PLEKHH2: variants seen among roughly 807,000 people sequenced by gnomAD.
The protein encoded by PLEKHH2 is pleckstrin homology domain-containing family H member 2.
In PLEKHH2, 129 loss-of-function variants were observed where a neutral mutation model predicts 187.9. The ratio of observed to expected loss-of-function variants is 0.69; its 90% CI spans 0.59 to 0.79. The LOEUF is 0.79. PLEKHH2 is among the 30% of genes least tolerant of loss of function. The pLI, the probability that PLEKHH2 is intolerant of heterozygous loss-of-function variation, is 0.00. For synonymous variants in PLEKHH2, 686 were observed against 605.6 expected, an observed-to-expected ratio of 1.13 and a Z score of -1.95; for missense variants, 2,076 against 1,751.2, an observed-to-expected ratio of 1.19 and a Z score of -3.31.
chr2:43,733,362 CAAA>C (rs60417054), intron 19 of PLEKHH2, among the ~76,000 whole-genome samples: 7,497 of 105,358 alleles, frequency 0.071, 456 homozygotes, highest in African/African-American at 0.17. Flanking sequence ...GACTCCATCT[CAAA>C]AAAAAAAAAA....
In PLEKHH2 at chr2:43,738,486, G is replaced by T; in HGVS notation, c.3089G>T (p.Arg1030Leu). ...TGTCAGCTTATTAAACAGACAAGAC[G>T]AAGACAGCCACAGAATCAACCAGGA... ...ICCQLIKQTR[R>L]RQPQNQPGPL... Residue 1030 changes from arginine to leucine, a missense_variant, in exon 20 of 30, where the codon CGA becomes CTA. Arg to Leu is a moderately radical substitution (Grantham distance 102). Transcript: ENST00000282406. 6.2e-7 allele frequency: 1 copy of T among 1,613,296 alleles called. No individual in the cohort carries two copies. The highest frequency in any genetic ancestry group is 1.1e-5 in the South Asian group (1 of 90,956).
intron 2 of PLEKHH2, among the ~76,000 whole-genome samples, chr2:43,645,577 A>T (rs147014038): frequency 1.4e-3 from 208 of 152,286 alleles, no homozygotes; most frequent in African/African-American, 4.7e-3. Flanking sequence ...AAGTAGAATA[A>T]ATACAGGATT....
At chr2:43,724,431 G>A (rs1045327973) in intron 16 of PLEKHH2, among the ~76,000 whole-genome samples, 3 of 152,166 alleles carry the variant, frequency 2.0e-5, no homozygotes, top group African/African-American at 4.8e-5. Context: ...GATGCAGACC[G>A]TGTATTTTCC....
At chr2:43,656,258 A>G (rs1001115759) in intron 2 of PLEKHH2, among the ~76,000 whole-genome samples, 1 of 152,174 alleles carries the variant, frequency 6.6e-6, no homozygotes, top group Non-Finnish European at 1.5e-5. Flanking sequence ...TGCCCAGCCT[A>G]TCTTAACAAT....
intron 1 of PLEKHH2, among the ~76,000 whole-genome samples, chr2:43,638,535 G>A (rs1302515968): frequency 6.6e-6 from 1 of 152,032 alleles, no homozygotes; most frequent in African/African-American, 2.4e-5. Context: ...AATCACTGGG[G>A]GTATTTGGAA....
chr2:43,699,509 C>T (rs1669248741), intron 7 of PLEKHH2, 138 bp from the exon 8 acceptor site: 2 of 1,033,932 alleles, frequency 1.9e-6, no homozygotes, highest in Admixed American at 2.5e-5. Flanking sequence ...TCCCAAGTAG[C>T]TGGGACTACA....
intron 2 of PLEKHH2, chr2:43,675,154 A>AT (rs1558459115): frequency 5.0e-6 from 2 of 399,456 alleles, no homozygotes; most frequent in East Asian, 7.5e-5. Flanking sequence ...GGTGAAATTA[A>AT]TTTTAATAGT....
chr2:43,747,109 C>CCCTCTCTCTCTCTCTCTCTCT (rs1671814983), intron 24 of PLEKHH2, among the ~76,000 whole-genome samples: 1 of 126,188 alleles, frequency 7.9e-6, no homozygotes, highest in African/African-American at 3.2e-5. Context: ...TCTCTCTCTC[C>CCCTCTCTCTCTCTCTCTCTCT]CTCTCTCTCT....
In PLEKHH2 at chr2:43,752,878, T is replaced by C. The variant is rs140581782; in HGVS notation, c.3654-741T>C. On this transcript the variant is annotated intron_variant, in intron 24 of 29. Coordinates refer to ENST00000282406, the MANE Select transcript of PLEKHH2 (RefSeq NM_172069.4). Reference sequence around the variant, plus strand: ...GTTTCAGTGAGTAATAGTGATAACATGTAAACTATTTTTGAGCCCCTAAAG... The same window carrying C: ...GTTTCAGTGAGTAATAGTGATAACACGTAAACTATTTTTGAGCCCCTAAAG... Among the ~76,000 whole-genome samples the C allele has an allele frequency of 8.4e-4, 128 of 152,330 alleles. 1 individual carries two copies. The East Asian group carries it at 0.019, about 23-fold the overall frequency.
chr2:43,658,060 T>G (rs372923891), intron 2 of PLEKHH2, among the ~76,000 whole-genome samples: 1 of 152,362 alleles, frequency 6.6e-6, no homozygotes, highest in African/African-American at 2.4e-5. Flanking sequence ...CATTGAATAT[T>G]TCTTCATCTT....
intron 11 of PLEKHH2, among the ~76,000 whole-genome samples, chr2:43,709,476 A>T (rs1440438124): frequency 3.9e-5 from 6 of 152,222 alleles, no homozygotes; most frequent in African/African-American, 1.4e-4. Flanking sequence ...ATATATGTAA[A>T]ATAGCTGTGT....
At chr2:43,652,402 T>C (rs1666521444) in intron 2 of PLEKHH2, among the ~76,000 whole-genome samples, 1 of 152,216 alleles carries the variant, frequency 6.6e-6, no homozygotes, top group South Asian at 2.1e-4. Flanking sequence ...TTCTAGGCTA[T>C]GCTATCCAGA....
rs146565183 is a variant in PLEKHH2 at position 43,761,006 on chromosome 2, G to GTA, written c.4072-1289_4072-1288dup. Among the ~76,000 whole-genome samples the GTA allele has an allele frequency of 7.5e-3, 1,145 of 152,228 alleles. 14 individuals carry two copies. The highest frequency in any genetic ancestry group is 0.025 in the African/African-American group (1,054 of 41,540). On this transcript the variant is annotated intron_variant, in intron 27 of 29. Coordinates refer to ENST00000282406, the MANE Select transcript of PLEKHH2 (RefSeq NM_172069.4). ...GAGGCAGAATAACATTCCACTGTAG[G>GTA]TATATATATACCACATTTTGTTTAT...
chr2:43,674,641 T>C (rs1234644750), intron 2 of PLEKHH2, among the ~76,000 whole-genome samples: 1 of 152,326 alleles, frequency 6.6e-6, no homozygotes, highest in East Asian at 1.9e-4. Flanking sequence ...TATCCAAATA[T>C]TTGAAACCTC....
At chr2:43,685,315 T>C (rs1314406116) in intron 3 of PLEKHH2, among the ~76,000 whole-genome samples, 6 of 152,380 alleles carry the variant, frequency 3.9e-5, no homozygotes, top group East Asian at 3.9e-4. Context: ...ATGAATGGCA[T>C]CACTTCTGTA....
At chr2:43,692,843 G>A (rs899832125) in intron 4 of PLEKHH2, among the ~76,000 whole-genome samples, 180 bp downstream of exon 4, 5 of 152,144 alleles carry the variant, frequency 3.3e-5, no homozygotes, top group African/African-American at 4.8e-5. Context: ...ATTCCTTTAA[G>A]TTCAGAGTGA....
At position 43,678,264 on chromosome 2, in the gene PLEKHH2, C is replaced by G. The variant is rs368110600; in HGVS notation, c.124-599C>G. ...CAGAGGGGCTCCTCACATCCCAGAC[C>G]ATGGGCGGCCAGGCAGAGACGCTCC... On this transcript the variant is annotated intron_variant, in intron 2 of 29. Transcript: ENST00000282406. Among the ~76,000 whole-genome samples the G allele has an allele frequency of 9.7e-5, 14 of 144,506 alleles. No individual in the cohort carries two copies. In the East Asian group the frequency reaches 2.8e-3, roughly 29 times the overall value. 94.8% of individuals were successfully genotyped at this position (144,506 alleles called of 152,430 possible). A position where few individuals can be genotyped will look rare whatever the true frequency, so the allele number is the denominator to read the frequency against.
At chr2:43,668,746 G>T (rs1667347786) in intron 2 of PLEKHH2, among the ~76,000 whole-genome samples, 1 of 152,172 alleles carries the variant, frequency 6.6e-6, no homozygotes, top group Non-Finnish European at 1.5e-5. Flanking sequence ...GCTGAGGAGG[G>T]AGGATCCCTT....
At chr2:43,731,694 T>G in intron 19 of PLEKHH2, 92 bp downstream of exon 19, 1 of 766,972 alleles carries the variant, frequency 1.3e-6, no homozygotes, top group Non-Finnish European at 2.0e-6. Flanking sequence ...CATTTTGGGT[T>G]ACAAAATTTT....
Sources: allele counts gnomAD v4.1 joint callset (sites outside exome capture counted in the v4.1 genomes callset), GRCh38; gene constraint gnomAD v4.1.1; transcripts MANE v1.5; gene names NCBI Gene and HGNC (gene_info 2026-07-23, HGNC 2026-07-21).